Variants in XDH observed in about 807,000 individuals in gnomAD.
XDH encodes the protein xanthine dehydrogenase/oxidase.
A neutral mutation model predicts 156.1 loss-of-function variants in XDH; 138 were observed. That is an observed-to-expected ratio of 0.88 (90% CI 0.77 to 1.02). The LOEUF is 1.02. XDH is among the 50% of genes least tolerant of loss of function. The pLI is 0.00. For missense variants in XDH, 1,849 were observed against 1,684.9 expected, an observed-to-expected ratio of 1.10 and a Z score of -1.71; for synonymous variants, 669 against 625.7, an observed-to-expected ratio of 1.07 and a Z score of -1.03.
intron 12 of XDH, 54 bp from the exon 13 acceptor site, chr2:31,380,030 C>G: frequency 2.6e-6 from 4 of 1,550,484 alleles, no homozygotes; most frequent in Non-Finnish European, 3.6e-6. Context: ...CTGGGAACCC[C>G]CCATGGGGAG....
intron 10 of XDH, 137 bp from the exon 11 acceptor site, chr2:31,383,289 G>T (rs1016340576): frequency 7.3e-7 from 1 of 1,370,750 alleles, no homozygotes; most frequent in Admixed American, 1.9e-5. Context: ...ATGAGGAAAT[G>T]AGGGCCCAGA....
intron 17 of XDH, among the ~76,000 whole-genome samples, chr2:31,371,218 G>A (rs1686062261): frequency 6.6e-6 from 1 of 152,188 alleles, no homozygotes; most frequent in African/African-American, 2.4e-5. Context: ...TGGGGAAATA[G>A]GGCAACACAT....
At chr2:31,373,766 T>G in intron 16 of XDH, 107 bp downstream of exon 16, 1 of 1,092,220 alleles carries the variant, frequency 9.2e-7, no homozygotes, top group South Asian at 1.3e-5. Flanking sequence ...AGGAGTTTTA[T>G]GGACCTATAT....
chr2:31,352,988 T>C (rs930655117), intron 24 of XDH, among the ~76,000 whole-genome samples: 5 of 150,366 alleles, frequency 3.3e-5, no homozygotes, highest in Non-Finnish European at 7.4e-5. Context: ...CCCAAAGTAC[T>C]GGGATTATAA....
chr2:31,370,863 A>G lies in XDH; in HGVS notation c.1857-385T>C, dbSNP rs375134265. Reference sequence around the variant, plus strand: ...TAAAAATAAATAAAGTGAAGAAGGCAGGCCAGGCCTCTTTGGATGTTACGT... The same window carrying G: ...TAAAAATAAATAAAGTGAAGAAGGCGGGCCAGGCCTCTTTGGATGTTACGT... On this transcript the variant is annotated intron_variant, in intron 17 of 35. Transcript: ENST00000379416. Among the ~76,000 whole-genome samples the G allele has an allele frequency of 1.1e-4, 16 of 152,338 alleles. No individual in the cohort carries two copies. The East Asian group carries it at 2.9e-3, about 28-fold the overall frequency.
At chr2:31,402,771 G>T (rs1472498985) in intron 3 of XDH, among the ~76,000 whole-genome samples, 1 of 152,172 alleles carries the variant, frequency 6.6e-6, no homozygotes, top group Non-Finnish European at 1.5e-5. Context: ...TGTCCTGGGG[G>T]CAATGAAGAG....
At chr2:31,376,930 T>TAGTTATGGTAGTAGTAGCAGC in intron 14 of XDH, 123 bp downstream of exon 14, 1 of 1,256,626 alleles carries the variant, frequency 8.0e-7, no homozygotes, top group Non-Finnish European at 1.1e-6. Context: ...GCAGTAGCAG[T>TAGTTATGGTAGTAGTAGCAGC]AGTTATGGTA....
chr2:31,372,350 C>A lies in XDH; in HGVS notation c.1734G>T (p.Leu578=), dbSNP rs1686096695. The A allele has an allele frequency of 6.2e-7, 1 of 1,614,148 alleles. No homozygotes were observed. The highest frequency in any genetic ancestry group is 8.5e-7 in the Non-Finnish European group (1 of 1,180,038). ...CCTGCATGTCCGCTGCCAGGTGGGGCAGGGGCCGGCCCACCATGTCCTCCT... is the reference window on the plus strand; with the variant it reads ...CCTGCATGTCCGCTGCCAGGTGGGGAAGGGGCCGGCCCACCATGTCCTCCT... ...QSEEDMVGRP[L]PHLAADMQAS... is the part of the protein sequence containing the mutation. The change falls in exon 17 of 36, where the codon CTG becomes CTT. Residue 578 remains leucine, a synonymous_variant. Transcript: ENST00000379416.
At chr2:31,368,722 T>C (rs1355823468) in intron 18 of XDH, 62 bp from the exon 19 acceptor site, 1 of 1,613,858 alleles carries the variant, frequency 6.2e-7, no homozygotes, top group African/African-American at 1.3e-5. Context: ...AAATTATTTT[T>C]GGATTGTTCA....
In XDH at chr2:31,376,575, G is replaced by A. The variant is rs566955341; in HGVS notation, c.1427+478C>T. 5.4e-5 allele frequency among the ~76,000 whole-genome samples: 8 copies of A among 149,484 alleles called. 1 individual carries two copies. In the East Asian group the frequency reaches 1.6e-3, roughly 29 times the overall value. On this transcript the variant is annotated intron_variant, in intron 14 of 35. Transcript: ENST00000379416. ...ACTAATAGAGTAAGCGGTAGAAGAG[G>A]CAGCAGTAGTATTAGCAATAGTAAT...
intron 6 of XDH, among the ~76,000 whole-genome samples, chr2:31,396,399 CAGTG>C (rs1208116810): frequency 1.3e-5 from 2 of 152,142 alleles, no homozygotes; most frequent in Non-Finnish European, 2.9e-5. Flanking sequence ...TCTCAGGAAA[CAGTG>C]AGTAACTTGG....
In XDH at chr2:31,334,460, C is replaced by A. The variant is rs1020265417; in HGVS notation, c.*1498G>T. ...ATACAGTGAAGGCATGTGACAGTGA[C>A]ACATTGTCCACCCAGCACCATGTAG... On this transcript the variant is annotated 3_prime_UTR_variant, in exon 36 of 36. Transcript: ENST00000379416. 1 of 152,160 alleles carries A rather than the reference C, an allele frequency of 6.6e-6. No homozygotes were observed. The highest frequency in any genetic ancestry group is 1.5e-5 in the Non-Finnish European group (1 of 68,026). 9.4% of individuals were successfully genotyped at this position (152,160 alleles called of 1,614,324 possible).
rs1185719123 is a variant in XDH, at chr2:31,349,706, A to G, written c.2949T>C (p.Ser983=). The G allele has an allele frequency of 6.2e-7, 1 of 1,613,796 alleles. No homozygotes were observed. The highest frequency in any genetic ancestry group is 1.3e-5 in the African/African-American group (1 of 74,814). Residue 983 remains serine, a synonymous_variant, in exon 26 of 36, where the codon AGT becomes AGC. Coordinates refer to ENST00000379416, the MANE Select transcript of XDH (RefSeq NM_000379.4). ...CTTACTTGTTGAACTTGTCAACCTC[A>G]CTCTTCCGAGCATGATACTGAGAGC... ...LASSQYHARK[S]EVDKFNKENC...
intron 24 of XDH, among the ~76,000 whole-genome samples, chr2:31,361,805 G>C (rs1404185777): frequency 6.6e-6 from 1 of 152,158 alleles, no homozygotes; most frequent in Non-Finnish European, 1.5e-5. Flanking sequence ...AATATTAATA[G>C]TGTATTTTAC....
In XDH at chr2:31,371,535, T is replaced by A. The variant is rs561899914; in HGVS notation, c.1856+693A>T. Among the ~76,000 whole-genome samples, 3 of 152,284 alleles carry A rather than the reference T, an allele frequency of 2.0e-5. No individual in the cohort carries two copies. In the East Asian group the frequency reaches 5.8e-4, roughly 29 times the overall value. ...ATGTCAACCCCCTCATCCTCTTCCA[T>A]CCATTCACACATTGCTTGGATGGAG... On this transcript the variant is annotated intron_variant, in intron 17 of 35. Transcript: ENST00000379416.
chr2:31,377,313 G>A (rs1686271642), intron 13 of XDH, 76 bp from the exon 14 acceptor site: 14 of 1,547,398 alleles, frequency 9.0e-6, no homozygotes, highest in Non-Finnish European at 1.2e-5. Flanking sequence ...AAACCACAGG[G>A]CTATGAGGTG....
At chr2:31,370,592 C>T (rs938009692) in intron 17 of XDH, 114 bp from the exon 18 acceptor site, 17 of 1,343,606 alleles carry the variant, frequency 1.3e-5, no homozygotes, top group South Asian at 5.1e-5. Flanking sequence ...CCTAATTCCT[C>T]GATTCTCTGC....
rs778602903 is a variant in XDH at position 31,386,511 on chromosome 2, C to A, written c.696G>T (p.Glu232Asp). Residue 232 changes from glutamate to aspartate, a missense_variant, in exon 9 of 36, where the codon GAG becomes GAT. Transcript: ENST00000379416. The part of the protein sequence containing the change: ...TPRKQLRFEG[E>D]RVTWIQASTL... ...TTGAGGCCTGTATCCACGTCACACG[C>A]TCCCCTTCAAATCGCAGCTGCTTCC... 2 of 1,614,066 alleles carry A rather than the reference C, an allele frequency of 1.2e-6. No homozygotes were observed. The highest frequency in any genetic ancestry group is 1.7e-5 in the Admixed American group (1 of 60,012).
rs1864280 is a variant in XDH at position 31,382,749 on chromosome 2, A to G, written c.1038+252T>C. ...ATGAAGCCTATGAGTCGTGGAGTGC[A>G]TTTCCCAGGGTGCCCCACAGACCAC... On this transcript the variant is annotated intron_variant, in intron 11 of 35. Coordinates refer to ENST00000379416, the MANE Select transcript of XDH (RefSeq NM_000379.4). Among the ~76,000 whole-genome samples the G allele has an allele frequency of 0.48, 73,404 of 151,998 alleles. 19,086 individuals are homozygous for G. Among genetic ancestry groups the G allele is most frequent in the African/African-American group, 0.68 (28,222 of 41,462 alleles).
Sources: gnomAD v4.1 joint callset for allele counts (sites outside exome capture counted in the v4.1 genomes callset) on GRCh38, gnomAD v4.1.1 for gene constraint, MANE v1.5 for transcripts, NCBI Gene and HGNC (gene_info 2026-07-23, HGNC 2026-07-21) for gene names.